The following LPCAT2 variants were observed in gnomAD, a reference collection of about 807,000 sequenced individuals.
LPCAT2 encodes 1-AGP acyltransferase 11.
In LPCAT2, 58 loss-of-function variants were observed where a neutral mutation model predicts 64.7. The ratio of observed to expected loss-of-function variants is 0.90; its 90% CI spans 0.73 to 1.12. LPCAT2 has a LOEUF of 1.12. Among genes scored for constraint, LPCAT2 ranks in the 50% most tolerant of loss-of-function variants. The pLI, the probability that LPCAT2 is intolerant of heterozygous loss-of-function variation, is 0.00. For missense variants in LPCAT2, 579 were observed against 669.8 expected (o/e 0.86, Z 1.50); for synonymous variants, 252 against 245.3 (o/e 1.03, Z -0.26).
At position 55,509,227 on chromosome 16, in the gene LPCAT2, G is replaced by A. The variant is rs1184164057; in HGVS notation, c.46G>A (p.Gly16Ser). The part of the protein sequence containing the change: ...QAAEVAATVP[G>S]AGVGNVGLRP... ...GGCGGAAGTGGCGGCCACAGTGCCA[G>A]GTGCCGGCGTCGGGAACGTGGGGCT... is the stretch of plus-strand genomic sequence containing the variant. The change falls in exon 1 of 14, where the codon GGT becomes AGT. Residue 16 changes from glycine to serine, a missense_variant. Gly to Ser is a moderately conservative substitution (Grantham distance 56). Transcript: ENST00000262134. 2 of 1,460,942 alleles carry A rather than the reference G, an allele frequency of 1.4e-6. No homozygotes were observed. The highest frequency in any genetic ancestry group is 1.8e-6 in the Non-Finnish European group (2 of 1,100,568). The allele number at this position is 1,460,942 out of a possible 1,614,324, so 90.5% of individuals were successfully genotyped here.
chr16:55,515,608 T>C (rs1250282252), intron 1 of LPCAT2, among the ~76,000 whole-genome samples: 1 of 152,180 alleles, frequency 6.6e-6, no homozygotes, highest in East Asian at 1.9e-4. Flanking sequence ...TTTGTAAATC[T>C]TTTTTTCTCT....
At chr16:55,535,378 A>G (rs1963311042) in intron 7 of LPCAT2, among the ~76,000 whole-genome samples, 2 of 152,194 alleles carry the variant, frequency 1.3e-5, no homozygotes, top group Admixed American at 1.3e-4. Context: ...TTTTGTGTAT[A>G]TATACATTGC....
In LPCAT2 at chr16:55,528,525, G is replaced by A; in HGVS notation, c.460G>A (p.Ala154Thr). The A allele has an allele frequency of 6.2e-7, 1 of 1,613,988 alleles. No individual in the cohort carries two copies. Among genetic ancestry groups the A allele is most frequent in the East Asian group, 2.2e-5 (1 of 44,846 alleles). ...TCATTCAACATTCTTTGATGGAATT[G>A]CCTGTGTTGTAGCTGGGTTACCTTC... ...APHSTFFDGI[A>T]CVVAGLPSMV... Residue 154 changes from alanine (A) to threonine (T), a missense_variant, in exon 3 of 14, where the codon GCC (alanine) becomes ACC (threonine). Transcript: ENST00000262134.
chr16:55,567,057 A>T, intron 11 of LPCAT2: 2 of 1,613,888 alleles, frequency 1.2e-6, no homozygotes, highest in Non-Finnish European at 1.7e-6. Context: ...CACTGATCTG[A>T]TGAATATTCT....
At chr16:55,529,282 C>G (rs1894299758) in intron 3 of LPCAT2, among the ~76,000 whole-genome samples, 1 of 152,044 alleles carries the variant, frequency 6.6e-6, no homozygotes, top group African/African-American at 2.4e-5. Flanking sequence ...GTAGTTCTTG[C>G]AGCTTTGTCA....
At chr16:55,562,041 C>A (rs1963642493) in intron 11 of LPCAT2, among the ~76,000 whole-genome samples, 1 of 151,980 alleles carries the variant, frequency 6.6e-6, no homozygotes, top group Non-Finnish European at 1.5e-5. Context: ...AATTTCACAT[C>A]TAATCTCCTT....
In LPCAT2 at chr16:55,532,731, A is replaced by T. The variant is rs536016435; in HGVS notation, c.704-93A>T. 121 of 782,840 alleles carry T rather than the reference A, an allele frequency of 1.5e-4. 1 individual carries two copies. In the African/African-American group the frequency reaches 2.1e-3, roughly 13 times the overall value. 48.5% of individuals were successfully genotyped at this position (782,840 alleles called of 1,614,324 possible). On this transcript the variant is annotated intron_variant, in intron 5 of 13. Transcript: ENST00000262134. ...TTTCTGTTACACATACTCTTAAAAT[A>T]TTCAGTCTATTTATACTATTTATTA...
chr16:55,526,259 G>A (rs181754209), intron 2 of LPCAT2, among the ~76,000 whole-genome samples: 53 of 152,222 alleles, frequency 3.5e-4, no homozygotes, highest in Middle Eastern at 3.4e-3. Context: ...CTGATCATGA[G>A]TTGACAAAGC....
chr16:55,527,936 T>C (rs560563003), intron 2 of LPCAT2, among the ~76,000 whole-genome samples: 296 of 152,342 alleles, frequency 1.9e-3, no homozygotes, highest in African/African-American at 6.9e-3. Flanking sequence ...ATTACACAAA[T>C]GTGGATTCCC....
intron 2 of LPCAT2, among the ~76,000 whole-genome samples, chr16:55,527,901 T>C (rs78984563): frequency 0.057 from 8,691 of 152,160 alleles, 286 homozygotes; most frequent in Middle Eastern, 0.11. Flanking sequence ...GCTCCAAAAG[T>C]GTTTTAGGAG....
At chr16:55,567,587 G>A in intron 11 of LPCAT2, 1 of 1,358,786 alleles carries the variant, frequency 7.4e-7, no homozygotes, top group Non-Finnish European at 1.0e-6. Flanking sequence ...GATACCCTGT[G>A]CAACAGCTCT....
In LPCAT2 at chr16:55,525,294, A is replaced by G. The variant is rs117307155; in HGVS notation, c.172-214A>G. ...GATCATTTGTCTTACGGTTTTCTTC[A>G]GTGTTTCTCTTGCTACACAGTAGGC... On this transcript the variant is annotated intron_variant, in intron 1 of 13. Coordinates refer to ENST00000262134, the MANE Select transcript of LPCAT2 (RefSeq NM_017839.5). 2.7e-3 allele frequency among the ~76,000 whole-genome samples: 417 copies of G among 152,106 alleles called. 10 individuals are homozygous for G. The South Asian group carries it at 0.05, about 18-fold the overall frequency.
chr16:55,574,495 C>G, intron 11 of LPCAT2, 136 bp from the exon 12 acceptor site: 1 of 643,668 alleles, frequency 1.6e-6, no homozygotes, highest in Non-Finnish European at 2.9e-6. Context: ...CTTGCTGTTC[C>G]TTCTTAGTGA....
chr16:55,566,119 A>G (rs558935748), intron 11 of LPCAT2, among the ~76,000 whole-genome samples: 94 of 152,290 alleles, frequency 6.2e-4, no homozygotes, highest in Middle Eastern at 6.8e-3. Context: ...CATGAATGTT[A>G]CATTTCAAAA....
At chr16:55,532,168 T>G (rs1425048401) in intron 5 of LPCAT2, 194 bp downstream of exon 5, 4 of 527,852 alleles carry the variant, frequency 7.6e-6, no homozygotes, top group Non-Finnish European at 1.4e-5. Context: ...TCCTCTCCCC[T>G]TGGAGTGTCC....
At chr16:55,540,746 A>T in intron 8 of LPCAT2, 1 of 199,788 alleles carries the variant, frequency 5.0e-6, no homozygotes, top group Non-Finnish European at 1.0e-5. Context: ...TCTGTAGGGG[A>T]TATGTTCCAA....
At chr16:55,524,842 T>C (rs545512765) in intron 1 of LPCAT2, among the ~76,000 whole-genome samples, 8 of 152,206 alleles carry the variant, frequency 5.3e-5, no homozygotes, top group African/African-American at 1.9e-4. Context: ...TCTGTGTTAC[T>C]CCTTTCTGGT....
chr16:55,570,516 TCC>T (rs1963757685), intron 11 of LPCAT2, among the ~76,000 whole-genome samples: 1 of 152,084 alleles, frequency 6.6e-6, no homozygotes, highest in East Asian at 1.9e-4. Context: ...ACACCTGTAG[TCC>T]CTGCTACTTG....
At chr16:55,549,477 T>C (rs1296953076) in intron 10 of LPCAT2, 75 bp downstream of exon 10, 2 of 1,357,490 alleles carry the variant, frequency 1.5e-6, no homozygotes, top group Non-Finnish European at 2.0e-6. Flanking sequence ...TATTTTCTCC[T>C]GCTTTATTAA....
Sources: gnomAD v4.1 joint callset for allele counts (sites outside exome capture counted in the v4.1 genomes callset) on GRCh38, gnomAD v4.1.1 for gene constraint, MANE v1.5 for transcripts, NCBI Gene and HGNC (gene_info 2026-07-23, HGNC 2026-07-21) for gene names.